Variants in KIF26B observed in about 807,000 individuals in gnomAD.
The protein encoded by KIF26B is kinesin family member 26B.
KIF26B carries 63 observed loss-of-function variants against 151.2 expected under a neutral mutation model. The observed-to-expected ratio is 0.42, with a 90% confidence interval of 0.34 to 0.51. KIF26B has a LOEUF of 0.51. KIF26B is among the 20% of genes least tolerant of loss of function. The probability of loss-of-function intolerance (pLI) is 0.07; values close to 1 mark genes in which losing one functional copy is unlikely to be tolerated. For missense variants in KIF26B, 2,813 were observed against 2,913.6 expected (o/e 0.97, Z 0.79); for synonymous variants, 1,357 against 1,262.1 (o/e 1.08, Z -1.59).
At chr1:245,198,943 C>G (rs1352790632) in intron 2 of KIF26B, among the ~76,000 whole-genome samples, 1 of 324 alleles carries the variant, frequency 3.1e-3, no homozygotes, top group Admixed American at 0.042. Flanking sequence ...CCTGCGGCAG[C>G]GTCGGGGGAG....
chr1:245,370,173 A>T (rs1184232194), intron 3 of KIF26B, among the ~76,000 whole-genome samples: 1 of 152,134 alleles, frequency 6.6e-6, no homozygotes, highest in African/African-American at 2.4e-5. Context: ...ATACACTCGC[A>T]ATTTGTAAAA....
At chr1:245,456,135 T>G (rs1473572492) in intron 4 of KIF26B, among the ~76,000 whole-genome samples, 1 of 152,238 alleles carries the variant, frequency 6.6e-6, no homozygotes, top group Non-Finnish European at 1.5e-5. Flanking sequence ...TTCCTGTGTG[T>G]ATGCAACATT....
Position 245,155,265 on chromosome 1 carries a change from GA to G in KIF26B, c.-159del. 1.5e-6 allele frequency: 1 copy of G among 660,060 alleles called. No individual in the cohort carries two copies. Among genetic ancestry groups the G allele is most frequent in the Non-Finnish European group, 2.7e-6 (1 of 370,764 alleles). 40.9% of individuals were successfully genotyped at this position (660,060 alleles called of 1,614,324 possible). A position where few individuals can be genotyped will look rare whatever the true frequency, so the allele number is the denominator to read the frequency against. ...TGCAAATTGGTGCTATTACTTGTGG[GA>G]TCCATTTGCTTTCATTCCCTCCCAC... On this transcript the variant is annotated 5_prime_UTR_variant, in exon 1 of 15. Transcript: ENST00000407071.
In KIF26B at chr1:245,544,784, G is replaced by C. The variant is rs558153908; in HGVS notation, c.1350+3834G>C. On this transcript the variant is annotated intron_variant, in intron 5 of 14. Coordinates refer to ENST00000407071, the MANE Select transcript of KIF26B (RefSeq NM_018012.4). ...GGAAAGACATACTTTTCAGAGTCAG[G>C]ATTGGGAGAGGAAGGGGAATAACAG... 9.2e-5 allele frequency among the ~76,000 whole-genome samples: 14 copies of C among 152,270 alleles called. No homozygotes were observed. In the South Asian group the frequency reaches 2.9e-3, roughly 32 times the overall value.
intron 2 of KIF26B, among the ~76,000 whole-genome samples, chr1:245,225,574 G>T (rs1403185243): frequency 6.6e-6 from 1 of 152,156 alleles, no homozygotes; most frequent in East Asian, 1.9e-4. Context: ...CCTTTTCTGT[G>T]GGGCTACCCT....
At chr1:245,494,904 G>T (rs911582453) in intron 4 of KIF26B, among the ~76,000 whole-genome samples, 4 of 152,102 alleles carry the variant, frequency 2.6e-5, no homozygotes, top group African/African-American at 4.8e-5. Flanking sequence ...GCCAGGCATG[G>T]TGGCGCACAC....
chr1:245,309,174 G>T (rs998908654), intron 2 of KIF26B, among the ~76,000 whole-genome samples: 1 of 152,142 alleles, frequency 6.6e-6, no homozygotes, highest in African/African-American at 2.4e-5. Context: ...GGATTGCCTG[G>T]AATACCAGGG....
chr1:245,586,771 A>G (rs1015461021), intron 5 of KIF26B, among the ~76,000 whole-genome samples: 1 of 151,748 alleles, frequency 6.6e-6, no homozygotes, highest in African/African-American at 2.4e-5. Context: ...CTGTAGTCCC[A>G]GCTACTCGGG....
At chr1:245,400,568 G>C (rs1027887578) in intron 3 of KIF26B, among the ~76,000 whole-genome samples, 1 of 148,638 alleles carries the variant, frequency 6.7e-6, no homozygotes, top group Non-Finnish European at 1.5e-5. Context: ...GGGGCCACCA[G>C]CCACATGGGG....
At chr1:245,654,622 C>G (rs939136753) in intron 10 of KIF26B, among the ~76,000 whole-genome samples, 1 of 152,338 alleles carries the variant, frequency 6.6e-6, no homozygotes, top group South Asian at 2.1e-4. Flanking sequence ...CAGGACTCCA[C>G]CAGGCTTTCT....
intron 10 of KIF26B, among the ~76,000 whole-genome samples, chr1:245,663,262 C>T (rs957537424): frequency 7.8e-6 from 1 of 128,676 alleles, no homozygotes; most frequent in Non-Finnish European, 1.7e-5. Context: ...TGCTTGTTAC[C>T]CAGTATCAGA....
intron 3 of KIF26B, among the ~76,000 whole-genome samples, chr1:245,397,073 C>A (rs376391598): frequency 6.6e-6 from 1 of 151,986 alleles, no homozygotes; most frequent in East Asian, 1.9e-4. Context: ...AATCCTCACA[C>A]CACAGCCTCC....
intron 4 of KIF26B, among the ~76,000 whole-genome samples, chr1:245,504,396 T>TTCCCTCCC (rs1444046252): frequency 2.7e-5 from 3 of 111,540 alleles, no homozygotes; most frequent in Non-Finnish European, 3.7e-5. Context: ...CCTTCCCTCC[T>TTCCCTCCC]TCCCTCCCTC....
chr1:245,304,198 C>T (rs936644365), intron 2 of KIF26B, among the ~76,000 whole-genome samples: 2 of 152,150 alleles, frequency 1.3e-5, no homozygotes, highest in Non-Finnish European at 2.9e-5. Flanking sequence ...CAGATGGATT[C>T]CAGTCTCATT....
chr1:245,390,625 C>A (rs1044534247), intron 3 of KIF26B, among the ~76,000 whole-genome samples: 2 of 152,070 alleles, frequency 1.3e-5, no homozygotes, highest in African/African-American at 2.4e-5. Flanking sequence ...CTCTACTAGC[C>A]TTTCCCCCTC....
Position 245,381,555 on chromosome 1 carries a change from A to G in KIF26B, c.999+14188A>G, listed in dbSNP as rs147100459. On this transcript the variant is annotated intron_variant, in intron 3 of 14. Transcript: ENST00000407071. Reference sequence around the variant, plus strand: ...CAGTGTTTTTTAAGTGTGGCCTAAGACAGTTCTTCTTCTTCCAATGTGGCC... The same window carrying G: ...CAGTGTTTTTTAAGTGTGGCCTAAGGCAGTTCTTCTTCTTCCAATGTGGCC... 4.6e-5 allele frequency among the ~76,000 whole-genome samples: 7 copies of G among 152,024 alleles called. No individual in the cohort carries two copies. The East Asian group carries it at 1.3e-3, about 29-fold the overall frequency.
intron 4 of KIF26B, among the ~76,000 whole-genome samples, chr1:245,424,153 T>C (rs766443444): frequency 1.1e-4 from 17 of 152,036 alleles, no homozygotes; most frequent in Non-Finnish European, 2.2e-4. Context: ...CTAAAATTTA[T>C]TCATTTATTT....
chr1:245,592,512 G>A (rs1234607697), intron 5 of KIF26B, among the ~76,000 whole-genome samples: 1 of 152,218 alleles, frequency 6.6e-6, no homozygotes, highest in Non-Finnish European at 1.5e-5. Flanking sequence ...TAAGATACGA[G>A]AAAAGTCTGT....
At chr1:245,211,648 T>A (rs1573710904) in intron 2 of KIF26B, among the ~76,000 whole-genome samples, 1 of 152,352 alleles carries the variant, frequency 6.6e-6, no homozygotes, top group Non-Finnish European at 1.5e-5. Context: ...TCCTCCTGCC[T>A]CAGCCTCTAA....
Sources: gnomAD v4.1 joint callset for allele counts (sites outside exome capture counted in the v4.1 genomes callset) on GRCh38, gnomAD v4.1.1 for gene constraint, MANE v1.5 for transcripts, NCBI Gene and HGNC (gene_info 2026-07-23, HGNC 2026-07-21) for gene names.